Variants in IL4I1 observed in about 807,000 individuals in gnomAD.
IL4I1 encodes the protein L-amino-acid oxidase.
Under a neutral mutation model 29.7 loss-of-function variants are expected in IL4I1, and 24 were observed. That is an observed-to-expected ratio of 0.81 (90% CI 0.59 to 1.14). IL4I1 has a LOEUF of 1.14. Ranked by LOEUF, IL4I1 falls within the 50% of genes most tolerant of loss-of-function variation. The pLI, the probability that IL4I1 is intolerant of heterozygous loss-of-function variation, is 0.00. For synonymous variants in IL4I1, 371 were observed against 352.5 expected (o/e 1.05, Z -0.59); for missense variants, 686 against 785.6 (o/e 0.87, Z 1.52).
rs1055863682 is a variant in IL4I1 at position 49,896,018 on chromosome 19, T to G, written c.49A>C (p.Ser17Arg). Reference protein sequence around the residue: ...HLLVLVPILLSLVASQDWKAE... With the variant: ...HLLVLVPILLRLVASQDWKAE... ...TTCCAGTCCTGGGAGGCCACCAGGC[T>G]GAGGAGGATGGGGACGAGGACGAGG... The change falls in exon 3 of 8, where the codon AGC (serine) becomes CGC (arginine). Residue 17 changes from serine (S) to arginine (R), a missense_variant. Ser to Arg is a moderately radical substitution (Grantham distance 110). Coordinates refer to ENST00000391826, the MANE Select transcript of IL4I1 (RefSeq NM_152899.2). 4 of 1,613,888 alleles carry G rather than the reference T, an allele frequency of 2.5e-6. No individual in the cohort carries two copies. Among genetic ancestry groups the G allele is most frequent in the Non-Finnish European group, 3.4e-6 (4 of 1,179,998 alleles).
rs1177459965 is a variant in IL4I1 at position 49,895,234 on chromosome 19, C to T, written c.253-54G>A. The stretch of plus-strand genomic sequence containing the variant: ...CCTTCAGCTCCACCCACTGACCATC[C>T]CCTGCCCTCTACCACCCCGTGCCAG... On this transcript the variant is annotated intron_variant, in intron 3 of 7. Coordinates refer to ENST00000391826, the MANE Select transcript of IL4I1 (RefSeq NM_152899.2). 39 of 1,447,926 alleles carry T rather than the reference C, an allele frequency of 2.7e-5. No individual in the cohort carries two copies. The East Asian group carries it at 3.2e-4, about 12-fold the overall frequency. 89.7% of individuals were successfully genotyped at this position (1,447,926 alleles called of 1,614,324 possible). A position where few individuals can be genotyped will look rare whatever the true frequency, so the allele number is the denominator to read the frequency against.
intron 2 of IL4I1, among the ~76,000 whole-genome samples, chr19:49,924,536 C>G (rs980427609): frequency 6.6e-6 from 1 of 152,158 alleles, no homozygotes; most frequent in Non-Finnish European, 1.5e-5. Context: ...CCCTCCGCAC[C>G]GAAAAAGAGT....
intron 2 of IL4I1, among the ~76,000 whole-genome samples, chr19:49,916,123 G>A (rs1251980912): frequency 1.3e-5 from 2 of 152,188 alleles, no homozygotes; most frequent in Non-Finnish European, 2.9e-5. Flanking sequence ...ACTCCCCAAG[G>A]CCACCCAGCA....
At chr19:49,906,199 G>C (rs2075320788) in intron 2 of IL4I1, among the ~76,000 whole-genome samples, 1 of 150,500 alleles carries the variant, frequency 6.6e-6, no homozygotes, top group Non-Finnish European at 1.5e-5. Context: ...GATGGTACTA[G>C]ATGACTTAAC....
chr19:49,928,121 G>A (rs1009705157), intron 1 of IL4I1: 14 of 152,306 alleles, frequency 9.2e-5, no homozygotes, highest in African/African-American at 3.4e-4. Flanking sequence ...TTAGAGGGAT[G>A]AGGGAGACAG....
In IL4I1 at chr19:49,895,857, G is replaced by A. The variant is rs753062978; in HGVS notation, c.210C>T (p.Ala70=). The A allele has an allele frequency of 1.2e-5, 20 of 1,613,754 alleles. No individual in the cohort carries two copies. The highest frequency in any genetic ancestry group is 2.2e-5 in the East Asian group (1 of 44,864). ...TGAGCACCTTGGCGGCCACCAGCCC[G>A]GCCACACCAGCGCCAACCACAATCA... ...QRVIVVGAGV[A]GLVAAKVLSD... Residue 70 remains alanine (A), a synonymous_variant, in exon 3 of 8, where the codon GCC becomes GCT. Coordinates refer to ENST00000391826, the MANE Select transcript of IL4I1 (RefSeq NM_152899.2).
chr19:49,922,082 A>G (rs1053536201), intron 2 of IL4I1, among the ~76,000 whole-genome samples: 10 of 152,162 alleles, frequency 6.6e-5, no homozygotes, highest in Non-Finnish European at 1.3e-4. Context: ...AGAAACGACC[A>G]AACACCCCTC....
intron 2 of IL4I1, among the ~76,000 whole-genome samples, chr19:49,917,106 G>A (rs1568713659): frequency 1.3e-5 from 2 of 152,336 alleles, no homozygotes; most frequent in South Asian, 2.1e-4. Context: ...AAGTATGACC[G>A]GTGGAACCAG....
At chr19:49,926,679 T>C (rs1231188084) in intron 2 of IL4I1, among the ~76,000 whole-genome samples, 1 of 152,206 alleles carries the variant, frequency 6.6e-6, no homozygotes. Context: ...CTACCCTTAA[T>C]TCCATCTGCT....
chr19:49,897,422 G>A (rs1011465972), upstream of IL4I1, among the ~76,000 whole-genome samples: 4 of 152,090 alleles, frequency 2.6e-5, no homozygotes, highest in African/African-American at 7.2e-5. Context: ...GGGTCAGGAC[G>A]TGGGCTCTGA....
chr19:49,902,363 T>C (rs1048849798), intron 3 of IL4I1, among the ~76,000 whole-genome samples: 4 of 149,590 alleles, frequency 2.7e-5, no homozygotes, highest in East Asian at 2.0e-4. Flanking sequence ...CCATTTCTTT[T>C]TTTTTTTTTT....
Position 49,890,391 on chromosome 19 carries a change from T to A in IL4I1, c.983A>T (p.Lys328Met), listed in dbSNP as rs145786285. The change falls in exon 8 of 8, where the codon AAG becomes ATG. Residue 328 changes from lysine (K) to methionine (M), a missense_variant. Coordinates refer to ENST00000391826, the MANE Select transcript of IL4I1 (RefSeq NM_152899.2). The part of the protein sequence containing the change: ...VLLTASGPAV[K>M]RITFSPPLPR... ...CAGCGGCGGCGAGAAGGTGATGCGC[T>A]TCACCGCCGGTCCGCTCGCCGTCAG... The A allele has an allele frequency of 6.2e-7, 1 of 1,605,046 alleles. No individual in the cohort carries two copies. The highest frequency in any genetic ancestry group is 1.1e-5 in the South Asian group (1 of 90,970).
At chr19:49,925,428 C>T (rs1000119806) in intron 2 of IL4I1, among the ~76,000 whole-genome samples, 5 of 144,738 alleles carry the variant, frequency 3.5e-5, no homozygotes, top group African/African-American at 7.9e-5. Flanking sequence ...GACCCTCCCC[C>T]CCATCTCTAC....
chr19:49,908,938 A>G, intron 2 of IL4I1: 1 of 1,608,818 alleles, frequency 6.2e-7, no homozygotes, highest in South Asian at 1.1e-5. Context: ...AATTCAAGGC[A>G]AAGCCGGTGG....
chr19:49,895,718 CA>C, intron 3 of IL4I1, 96 bp downstream of exon 3: 3 of 1,049,804 alleles, frequency 2.9e-6, no homozygotes, highest in Non-Finnish European at 4.2e-6. Context: ...TCCCCACCTC[CA>C]CCCCCTCAAG....
chr19:49,908,420 G>T, intron 2 of IL4I1: 1 of 1,614,162 alleles, frequency 6.2e-7, no homozygotes, highest in Non-Finnish European at 8.5e-7. Context: ...GTCGGCGGGG[G>T]CCCCGGACGT....
intron 2 of IL4I1, among the ~76,000 whole-genome samples, chr19:49,922,249 T>C (rs2122735164): frequency 6.6e-6 from 1 of 152,294 alleles, no homozygotes; most frequent in Admixed American, 6.5e-5. Context: ...TGAGGTGCCC[T>C]GCGAGTCCCT....
intron 2 of IL4I1, among the ~76,000 whole-genome samples, chr19:49,924,117 G>A (rs760640947): frequency 6.6e-6 from 1 of 150,536 alleles, no homozygotes; most frequent in South Asian, 2.1e-4. Flanking sequence ...TGAGGGTCAG[G>A]GCTTGGAGAC....
chr19:49,924,588 T>C (rs1411124883), intron 2 of IL4I1, among the ~76,000 whole-genome samples: 7 of 150,996 alleles, frequency 4.6e-5, no homozygotes, highest in East Asian at 2.0e-4. Flanking sequence ...AGCTCAGGAG[T>C]TGAAGGGGAG....
Sources: gnomAD v4.1 joint callset for allele counts (sites outside exome capture counted in the v4.1 genomes callset) on GRCh38, gnomAD v4.1.1 for gene constraint, MANE v1.5 for transcripts, NCBI Gene and HGNC (gene_info 2026-07-23, HGNC 2026-07-21) for gene names.